Variants in FOXN3 observed in about 807,000 individuals in gnomAD.
FOXN3 encodes forkhead box N3.
A neutral mutation model predicts 38.4 loss-of-function variants in FOXN3; 7 were observed. That is an observed-to-expected ratio of 0.18 (90% confidence interval 0.10 to 0.34). The LOEUF (loss-of-function observed/expected upper bound fraction) is 0.34. FOXN3 is among the 10% of genes least tolerant of loss of function. The pLI is 1.00. For synonymous variants in FOXN3, 230 were observed against 242.2 expected (o/e 0.95, Z 0.47); for missense variants, 456 against 613.4 (o/e 0.74, Z 2.71).
At chr14:89,247,375 T>C (rs1480403888) in intron 4 of FOXN3, among the ~76,000 whole-genome samples, 1 of 152,150 alleles carries the variant, frequency 6.6e-6, no homozygotes, top group Admixed American at 6.5e-5. Context: ...GGGTTGCTAG[T>C]GGAGCTTTCT....
At chr14:89,199,940 CAA>C (rs899671376) in intron 4 of FOXN3, among the ~76,000 whole-genome samples, 5 of 152,080 alleles carry the variant, frequency 3.3e-5, no homozygotes. Context: ...AAAACAACAA[CAA>C]AAACTGCACT....
intron 2 of FOXN3, among the ~76,000 whole-genome samples, chr14:89,399,704 G>T (rs530923575): frequency 6.6e-6 from 1 of 152,186 alleles, no homozygotes; most frequent in Admixed American, 6.5e-5. Flanking sequence ...CTTCTGGAAG[G>T]GGGAGGGGCT....
chr14:89,226,197 C>A, intron 4 of FOXN3, among the ~76,000 whole-genome samples: 1 of 146,756 alleles, frequency 6.8e-6, no homozygotes, highest in African/African-American at 2.5e-5. Context: ...AAAGGAGGGA[C>A]AGGGAGAGGG....
intron 2 of FOXN3, among the ~76,000 whole-genome samples, chr14:89,355,454 C>G (rs1889178110): frequency 6.6e-6 from 1 of 151,696 alleles, no homozygotes; most frequent in Non-Finnish European, 1.5e-5. Flanking sequence ...CCAGGCTGGT[C>G]TCGAACTCCT....
At chr14:89,314,972 G>T (rs542475636) in intron 3 of FOXN3, among the ~76,000 whole-genome samples, 1 of 151,970 alleles carries the variant, frequency 6.6e-6, no homozygotes, top group African/African-American at 2.4e-5. Flanking sequence ...ACTCTTCACG[G>T]CTTGCAATAA....
chr14:89,367,744 T>C (rs956225089), intron 2 of FOXN3, among the ~76,000 whole-genome samples: 5 of 152,092 alleles, frequency 3.3e-5, no homozygotes, highest in Admixed American at 3.3e-4. Context: ...CTGGGAACAG[T>C]GGCAGCAACC....
At chr14:89,480,371 C>T (rs1272081064) in intron 1 of FOXN3, among the ~76,000 whole-genome samples, 1 of 151,580 alleles carries the variant, frequency 6.6e-6, no homozygotes, top group East Asian at 1.9e-4. Flanking sequence ...CCATTTCACT[C>T]CAGCCTGGGC....
chr14:89,220,616 C>T (rs964946026), intron 4 of FOXN3, among the ~76,000 whole-genome samples: 3 of 152,094 alleles, frequency 2.0e-5, no homozygotes, highest in South Asian at 2.1e-4. Context: ...TGGGCTGGAT[C>T]GGGAAGAGAG....
At chr14:89,439,202 T>C (rs938030921) in intron 1 of FOXN3, among the ~76,000 whole-genome samples, 1 of 152,100 alleles carries the variant, frequency 6.6e-6, no homozygotes, top group Admixed American at 6.6e-5. Flanking sequence ...GCTCTGCCAA[T>C]AGCTCTTTGA....
Position 89,164,209 on chromosome 14 carries a change from C to G in FOXN3, c.852-1240G>C, listed in dbSNP as rs958144557. Among the ~76,000 whole-genome samples, 1 of 152,114 alleles carries G rather than the reference C, an allele frequency of 6.6e-6. No individual in the cohort carries two copies. Among genetic ancestry groups the G allele is most frequent in the African/African-American group, 2.4e-5 (1 of 41,394 alleles). ...CTGTCTGTTAGTGCCTGGCGCCCAG[C>G]CTTCAGAAGGATGAATACTTGCAGG... is the stretch of plus-strand genomic sequence containing the variant. On this transcript the variant is annotated intron_variant, in intron 5 of 5. Transcript: ENST00000557258. This position sits in a 1 kb window ranked among gnomAD's most constrained non-coding sequence, Gnocchi z 4.3.
At chr14:89,416,351 G>T (rs955090695) in intron 1 of FOXN3, among the ~76,000 whole-genome samples, 1 of 152,214 alleles carries the variant, frequency 6.6e-6, no homozygotes, top group African/African-American at 2.4e-5. Flanking sequence ...ACCGCGGCGA[G>T]CCTCGAAAAC....
rs147621404 is a variant in FOXN3, at chr14:89,481,909, T to C, written c.-14-69419A>G. 1.4e-4 allele frequency among the ~76,000 whole-genome samples: 21 copies of C among 152,256 alleles called. 1 individual carries two copies. The East Asian group carries it at 4.1e-3, about 29-fold the overall frequency. On this transcript the variant is annotated intron_variant, in intron 1 of 6. Transcript: ENST00000345097. ...TTTCTGGGTGTGAAAGGGAAGACTG[T>C]ATGGTAATTATATGGGGTAAACTGG...
chr14:89,371,453 G>A (rs1890317160), intron 2 of FOXN3, among the ~76,000 whole-genome samples: 2 of 151,760 alleles, frequency 1.3e-5, no homozygotes, highest in Admixed American at 6.6e-5. Flanking sequence ...TGACCCACTT[G>A]GCCACCAGAA....
chr14:89,500,329 G>A (rs1893770010), intron 1 of FOXN3, among the ~76,000 whole-genome samples: 1 of 152,208 alleles, frequency 6.6e-6, no homozygotes, highest in South Asian at 2.1e-4. Flanking sequence ...TTGCACTGAG[G>A]CAATGAGTCA....
At chr14:89,255,439 G>A (rs59876202) in intron 4 of FOXN3, among the ~76,000 whole-genome samples, 62 of 151,970 alleles carry the variant, frequency 4.1e-4, no homozygotes, top group African/African-American at 1.4e-3. Flanking sequence ...TGGTTCTCTC[G>A]GTGTCAGACG....
At chr14:89,301,746 C>A (rs138364624) in intron 3 of FOXN3, among the ~76,000 whole-genome samples, 51 of 152,126 alleles carry the variant, frequency 3.4e-4, no homozygotes, top group African/African-American at 1.1e-3. Context: ...CCAGCCTGGG[C>A]TACAGAGTGA....
chr14:89,476,057 T>C (rs1342320345), intron 1 of FOXN3, among the ~76,000 whole-genome samples: 1 of 151,984 alleles, frequency 6.6e-6, no homozygotes, highest in Non-Finnish European at 1.5e-5. Context: ...GTGGGAGGGG[T>C]AGGCAAAGGC....
At chr14:89,453,921 T>C (rs1437148986) in intron 1 of FOXN3, among the ~76,000 whole-genome samples, 1 of 152,138 alleles carries the variant, frequency 6.6e-6, no homozygotes, top group East Asian at 1.9e-4. Context: ...TGAGATGATT[T>C]GGAGGAGGGG....
At chr14:89,363,726 G>A (rs970873835) in intron 2 of FOXN3, among the ~76,000 whole-genome samples, 2 of 152,046 alleles carry the variant, frequency 1.3e-5, no homozygotes, top group African/African-American at 4.8e-5. Context: ...ACTAGCAGAA[G>A]AACAAACAGA....
Sources: allele counts gnomAD v4.1 joint callset (sites outside exome capture counted in the v4.1 genomes callset), GRCh38; gene constraint gnomAD v4.1.1; non-coding constraint Gnocchi (gnomAD v3.1); transcripts MANE v1.5; gene names NCBI Gene and HGNC (gene_info 2026-07-23, HGNC 2026-07-21).